UBE2Q1: variants seen among roughly 807,000 people sequenced by gnomAD.
UBE2Q1 encodes ubiquitin conjugating enzyme E2 Q1, also known as ubiquitin-conjugating enzyme E2 Q1.
Under a neutral mutation model 60.1 loss-of-function variants are expected in UBE2Q1, and 6 were observed. That is an observed-to-expected ratio of 0.10 (90% CI 0.05 to 0.20). UBE2Q1 has a LOEUF of 0.20. Among genes scored for constraint, UBE2Q1 ranks in the 10% least tolerant of loss-of-function variants. The pLI is 1.00. For missense variants in UBE2Q1, 262 were observed against 525.8 expected, an observed-to-expected ratio of 0.50 and a Z score of 4.91; for synonymous variants, 226 against 208.3, an observed-to-expected ratio of 1.09 and a Z score of -0.73.
In UBE2Q1 at chr1:154,558,454, C is replaced by A. The variant is rs752073705; in HGVS notation, c.100G>T (p.Gly34Cys). ...CTCAGGCAGGGCCCCGGCCCCGGGC[C>A]CCCCCCTGGGCCGCCCCCGGCCCCC... ...APGAGGGPGG[G>C]PGPGPCLRRE... is the part of the protein sequence containing the mutation. Residue 34 changes from glycine (G) to cysteine (C), a missense_variant, in exon 1 of 13, where the codon GGC becomes TGC. Around this residue, in one of 5 missense-constraint regions of UBE2Q1, gnomAD observed 70 missense variants for 56.7 expected, o/e 1.24. Coordinates refer to ENST00000292211, the MANE Select transcript of UBE2Q1 (RefSeq NM_017582.7). 10 of 1,460,308 alleles carry A rather than the reference C, an allele frequency of 6.8e-6. No individual in the cohort carries two copies. Among genetic ancestry groups the A allele is most frequent in the Middle Eastern group, 2.4e-4 (1 of 4,146 alleles). 90.5% of individuals were successfully genotyped at this position (1,460,308 alleles called of 1,614,324 possible).
rs1328055084 is a variant in UBE2Q1, at chr1:154,549,649, TTTTC to T, written c.*785_*788del. On this transcript the variant is annotated 3_prime_UTR_variant, in exon 13 of 13. Transcript: ENST00000292211. ...CTACGAAGCAGCCTCTTGAGCCTCATTTTCTTTTTCTTAGAAATTTGAAAACATC... is the reference window on the plus strand; with the variant it reads ...CTACGAAGCAGCCTCTTGAGCCTCATTTTTTCTTAGAAATTTGAAAACATC... 6.5e-6 allele frequency: 1 copy of T among 152,682 alleles called. No homozygotes were observed. The highest frequency in any genetic ancestry group is 1.5e-5 in the Non-Finnish European group (1 of 68,060). 9.5% of individuals were successfully genotyped at this position (152,682 alleles called of 1,614,324 possible). A position where few individuals can be genotyped will look rare whatever the true frequency, so the allele number is the denominator to read the frequency against.
Position 154,552,456 on chromosome 1 carries a change from CAT to C in UBE2Q1, c.821_822del (p.Tyr274CysfsTer7). The part of the protein sequence containing the change: ...YRSQSFKGGN[Y>X]AVELVNDSLY... ...AGACTGTCATTCACGAGTTCGACTG[CAT>C]AGTTTCCTGGAAGGAGGGAAAAAAC... On this transcript the variant is annotated frameshift_variant, in exon 7 of 13. Transcript: ENST00000292211. LOFTEE classifies it high-confidence loss of function. 1 of 1,614,208 alleles carries C rather than the reference CAT, an allele frequency of 6.2e-7. No homozygotes were observed. Among genetic ancestry groups the C allele is most frequent in the Non-Finnish European group, 8.5e-7 (1 of 1,180,038 alleles).
chr1:154,552,471 G>A lies in UBE2Q1; in HGVS notation c.815-7C>T, dbSNP rs1237072171. ...AGTTCGACTGCATAGTTTCCTGGAA[G>A]GAGGGAAAAAACAGGTGTTAGTAGA... On this transcript the variant is annotated splice_region_variant and splice_polypyrimidine_tract_variant and intron_variant, in intron 6 of 12. Coordinates refer to ENST00000292211, the MANE Select transcript of UBE2Q1 (RefSeq NM_017582.7). 1.9e-6 allele frequency: 3 copies of A among 1,613,942 alleles called. No homozygotes were observed. The highest frequency in any genetic ancestry group is 2.5e-6 in the Non-Finnish European group (3 of 1,179,940).
At position 154,553,188 on chromosome 1, in the gene UBE2Q1, G is replaced by T; in HGVS notation, c.589-16C>A. 1 of 1,602,350 alleles carries T rather than the reference G, an allele frequency of 6.2e-7. No homozygotes were observed. Among genetic ancestry groups the T allele is most frequent in the Admixed American group, 1.7e-5 (1 of 57,522 alleles). On this transcript the variant is annotated splice_polypyrimidine_tract_variant and intron_variant, in intron 4 of 12. Coordinates refer to ENST00000292211, the MANE Select transcript of UBE2Q1 (RefSeq NM_017582.7). ...CTTCTGTGTCCTGGAGGAGGTGTGG[G>T]GTGGGAGTGAAAAGAAAAGGAAAAA... is the stretch of plus-strand genomic sequence containing the variant.
intron 11 of UBE2Q1, 169 bp downstream of exon 11, chr1:154,551,228 G>T (rs963856610): frequency 3.6e-6 from 3 of 841,844 alleles, no homozygotes; most frequent in African/African-American, 1.7e-5. Context: ...TGCCCCTAGG[G>T]GCCAAGGCAC....
At chr1:154,555,781 C>T in intron 2 of UBE2Q1, 79 bp downstream of exon 2, 6 of 1,350,978 alleles carry the variant, frequency 4.4e-6, no homozygotes, top group Non-Finnish European at 6.3e-6. Flanking sequence ...GTCCACTTTT[C>T]AGGATCCCTT....
Position 154,558,421 on chromosome 1 carries a change from G to C in UBE2Q1, c.133C>G (p.Leu45Val). ...TGGAAGATGGACTCGAGCAGCTTCA[G>C]CTCTCGCCTCAGGCAGGGCCCCGGC... ...PGPGPCLRRE[L>V]KLLESIFHRG... Residue 45 changes from leucine to valine, a missense_variant, in exon 1 of 13, where the codon CTG becomes GTG. Leu to Val is a conservative substitution (Grantham distance 32). Transcript: ENST00000292211. The C allele has an allele frequency of 1.3e-6, 2 of 1,510,860 alleles. No homozygotes were observed. The highest frequency in any genetic ancestry group is 1.8e-6 in the Non-Finnish European group (2 of 1,133,084). 93.6% of individuals were successfully genotyped at this position (1,510,860 alleles called of 1,614,324 possible).
In UBE2Q1 at chr1:154,555,412, C is replaced by T; in HGVS notation, c.537+16G>A. On this transcript the variant is annotated intron_variant, in intron 3 of 12. Transcript: ENST00000292211. ...CAACTCTGCACAACAGGGCCCGAGG[C>T]TCCTCAGCTGCTCACCTGCTCTGCT... is the stretch of plus-strand genomic sequence containing the variant. 2 of 1,611,540 alleles carry T rather than the reference C, an allele frequency of 1.2e-6. No homozygotes were observed. Among genetic ancestry groups the T allele is most frequent in the Non-Finnish European group, 1.7e-6 (2 of 1,177,888 alleles).
intron 3 of UBE2Q1, 130 bp downstream of exon 3, chr1:154,555,298 A>T (rs557024238): frequency 1.3e-4 from 97 of 760,626 alleles, no homozygotes; most frequent in Middle Eastern, 3.8e-4. Flanking sequence ...CGAGGGTGAG[A>T]GTCATAAGAC....
chr1:154,552,221 C>T (rs745363470), intron 7 of UBE2Q1, 38 bp from the exon 8 acceptor site: 1 of 1,612,748 alleles, frequency 6.2e-7, no homozygotes, highest in South Asian at 1.1e-5. Flanking sequence ...TGCCTGGTTC[C>T]ACCTCAGGAG....
At chr1:154,557,062 G>GA (rs1389691758) in intron 1 of UBE2Q1, among the ~76,000 whole-genome samples, 1 of 152,198 alleles carries the variant, frequency 6.6e-6, no homozygotes, top group Non-Finnish European at 1.5e-5. Context: ...GAAAGGAAAT[G>GA]AAAAGAGAAA....
At chr1:154,552,881 C>T in intron 5 of UBE2Q1, 61 bp from the exon 6 acceptor site, 1 of 1,600,332 alleles carries the variant, frequency 6.2e-7, no homozygotes, top group South Asian at 1.1e-5. Flanking sequence ...ACACGTTAGA[C>T]CTTAGGGGCA....
intron 3 of UBE2Q1, chr1:154,555,156 C>G: frequency 1.8e-6 from 1 of 563,090 alleles, no homozygotes; most frequent in East Asian, 2.9e-5. Context: ...ACTGTTATTG[C>G]TAAGATAATG....
chr1:154,551,656 C>A, intron 10 of UBE2Q1, 115 bp downstream of exon 10: 1 of 1,519,546 alleles, frequency 6.6e-7, no homozygotes, highest in Non-Finnish European at 9.1e-7. Flanking sequence ...AGACCCAGCC[C>A]AGCAGAATGA....
At chr1:154,555,819 T>G (rs1442620270) in intron 2 of UBE2Q1, 41 bp downstream of exon 2, 25 of 1,576,062 alleles carry the variant, frequency 1.6e-5, no homozygotes, top group Non-Finnish European at 2.0e-5. Flanking sequence ...GGCATGGGCC[T>G]CATAAGAACA....
rs1695815739 is a variant in UBE2Q1 at position 154,552,828 on chromosome 1, G to A, written c.730-8C>T. ...CGAGCCAGACACTGCACCCTGTGAG[G>A]GACGGATGACAGGAACATTCCTTGG... On this transcript the variant is annotated splice_region_variant and splice_polypyrimidine_tract_variant and intron_variant, in intron 5 of 12. Coordinates refer to ENST00000292211, the MANE Select transcript of UBE2Q1 (RefSeq NM_017582.7). The A allele has an allele frequency of 1.9e-6, 3 of 1,613,786 alleles. No homozygotes were observed. The highest frequency in any genetic ancestry group is 1.7e-5 in the Admixed American group (1 of 59,908).
At position 154,550,337 on chromosome 1, in the gene UBE2Q1, TGAGG is replaced by T. The variant is rs779496363; in HGVS notation, c.*97_*100del. ...GCAGAGCTATCACGTCCAGGAAAAA[TGAGG>T]GAGGGAACCACAGAGGCAGCGTGAG... On this transcript the variant is annotated 3_prime_UTR_variant, in exon 13 of 13. Coordinates refer to ENST00000292211, the MANE Select transcript of UBE2Q1 (RefSeq NM_017582.7). 1.8e-4 allele frequency: 266 copies of T among 1,492,326 alleles called. No homozygotes were observed. Among genetic ancestry groups the T allele is most frequent in the Non-Finnish European group, 2.5e-4 (265 of 1,078,600 alleles). The allele number at this position is 1,492,326 out of a possible 1,614,324, so 92.4% of individuals were successfully genotyped here.
At chr1:154,554,638 TTC>T in intron 4 of UBE2Q1, 95 bp downstream of exon 4, 2 of 1,258,274 alleles carry the variant, frequency 1.6e-6, no homozygotes, top group Non-Finnish European at 2.3e-6. Flanking sequence ...TTTGATATTT[TTC>T]TCTCTCCAGT....
Position 154,550,346 on chromosome 1 carries a change from G to C in UBE2Q1, c.*92C>G. The C allele has an allele frequency of 6.5e-7, 1 of 1,539,484 alleles. No homozygotes were observed. Among genetic ancestry groups the C allele is most frequent in the Non-Finnish European group, 8.9e-7 (1 of 1,117,714 alleles). ...TCACGTCCAGGAAAAATGAGGGAGG[G>C]AACCACAGAGGCAGCGTGAGATCCA... is the stretch of plus-strand genomic sequence containing the variant. On this transcript the variant is annotated 3_prime_UTR_variant, in exon 13 of 13. Coordinates refer to ENST00000292211, the MANE Select transcript of UBE2Q1 (RefSeq NM_017582.7).
Sources: allele counts gnomAD v4.1 joint callset (sites outside exome capture counted in the v4.1 genomes callset), GRCh38; gene constraint gnomAD v4.1.1; regional missense constraint gnomAD v4.1.1; transcripts MANE v1.5; gene names NCBI Gene and HGNC (gene_info 2026-07-23, HGNC 2026-07-21).